The following ASCC1 variants were observed in gnomAD, a reference collection of about 807,000 sequenced individuals.
The protein encoded by ASCC1 is activating signal cointegrator 1 complex subunit 1.
In ASCC1, 35 loss-of-function variants were observed where a neutral mutation model predicts 46.6. The ratio of observed to expected loss-of-function variants is 0.75; its 90% CI spans 0.57 to 0.99. The LOEUF (loss-of-function observed/expected upper bound fraction) is 0.99. ASCC1 is among the 50% of genes least tolerant of loss of function. The pLI is 0.00. For synonymous variants in ASCC1, 143 were observed against 146.6 expected (o/e 0.98, Z 0.18); for missense variants, 376 against 428.7 (o/e 0.88, Z 1.09).
Position 72,111,480 on chromosome 10 carries a change from C to T in ASCC1, c.958-14030G>A, listed in dbSNP as rs147714626. Among the ~76,000 whole-genome samples, 5 of 151,706 alleles carry T rather than the reference C, an allele frequency of 3.3e-5. No individual in the cohort carries two copies. The East Asian group carries it at 9.7e-4, about 29-fold the overall frequency. ...CAGCCTTGGGTGACAGAGCAAGACCCTATCTCAAAAAAAAAAATTCAAAGT... is the reference window on the plus strand; with the variant it reads ...CAGCCTTGGGTGACAGAGCAAGACCTTATCTCAAAAAAAAAAATTCAAAGT... On this transcript the variant is annotated intron_variant, in intron 9 of 9. Transcript: ENST00000672957.
intron 1 of ASCC1, 124 bp from the exon 2 acceptor site, chr10:72,213,455 C>A: frequency 1.5e-6 from 1 of 650,448 alleles, no homozygotes; most frequent in South Asian, 1.6e-5. Context: ...ACAAAAGCAG[C>A]ACCATTTCCC....
At chr10:72,117,191 C>T (rs1350365882) in intron 9 of ASCC1, among the ~76,000 whole-genome samples, 2 of 152,204 alleles carry the variant, frequency 1.3e-5, no homozygotes, top group Admixed American at 1.3e-4. Flanking sequence ...AGTCTGATAA[C>T]TCTAGTATGT....
intron 4 of ASCC1, 95 bp downstream of exon 4, chr10:72,203,332 C>T (rs1276539025): frequency 1.1e-6 from 1 of 948,638 alleles, no homozygotes; most frequent in East Asian, 2.4e-5. Context: ...TAGAACCCCA[C>T]AGAAAACATA....
At chr10:72,158,111 A>C (rs1392608389) in intron 6 of ASCC1, among the ~76,000 whole-genome samples, 1 of 152,206 alleles carries the variant, frequency 6.6e-6, no homozygotes. Flanking sequence ...GCAGAAACAC[A>C]AACTGTTTCA....
At chr10:72,186,124 A>T (rs1396347126) in intron 5 of ASCC1, among the ~76,000 whole-genome samples, 2 of 151,774 alleles carry the variant, frequency 1.3e-5, no homozygotes, top group Non-Finnish European at 1.5e-5. Flanking sequence ...CGTATTAATT[A>T]AAAAAGTAAT....
chr10:72,108,790 C>G (rs1184189806), intron 9 of ASCC1, among the ~76,000 whole-genome samples: 1 of 152,168 alleles, frequency 6.6e-6, no homozygotes, highest in East Asian at 1.9e-4. Context: ...TATTGTCACT[C>G]ACTGACTATA....
chr10:72,129,341 T>G (rs1274435344), intron 8 of ASCC1, among the ~76,000 whole-genome samples: 1 of 152,132 alleles, frequency 6.6e-6, no homozygotes, highest in African/African-American at 2.4e-5. Flanking sequence ...ACATAAAATG[T>G]GGCATATCCA....
intron 9 of ASCC1, among the ~76,000 whole-genome samples, chr10:72,099,858 C>G (rs1371234113): frequency 6.6e-6 from 1 of 151,972 alleles, no homozygotes; most frequent in Admixed American, 6.5e-5. Context: ...AAAGCTAGTA[C>G]AAGTACCTTG....
intron 5 of ASCC1, among the ~76,000 whole-genome samples, chr10:72,167,972 C>T (rs1009745403): frequency 6.6e-6 from 1 of 152,016 alleles, no homozygotes; most frequent in Non-Finnish European, 1.5e-5. Flanking sequence ...AGGGGGATCA[C>T]GAGGTCAGGA....
intron 9 of ASCC1, among the ~76,000 whole-genome samples, chr10:72,109,998 G>C (rs1033873764): frequency 6.6e-6 from 1 of 152,182 alleles, no homozygotes; most frequent in African/African-American, 2.4e-5. Context: ...TTGCCACAGG[G>C]CATGGGTATT....
At chr10:72,129,738 G>A (rs377197292) in intron 8 of ASCC1, among the ~76,000 whole-genome samples, 8 of 152,114 alleles carry the variant, frequency 5.3e-5, no homozygotes, top group South Asian at 2.1e-4. Context: ...CCTGGGAGGC[G>A]GAGGTTGCAG....
At chr10:72,213,601 TAAAA>T (rs762289534) in intron 1 of ASCC1, among the ~76,000 whole-genome samples, 1 of 128,398 alleles carries the variant, frequency 7.8e-6, no homozygotes, top group African/African-American at 2.8e-5. Flanking sequence ...CATACACTCT[TAAAA>T]AAAAAAAAAA....
At chr10:72,157,548 T>A (rs1343808417) in intron 6 of ASCC1, among the ~76,000 whole-genome samples, 1 of 152,160 alleles carries the variant, frequency 6.6e-6, no homozygotes, top group Non-Finnish European at 1.5e-5. Context: ...TTCTGCAAAA[T>A]TCCTGTTAAA....
At chr10:72,102,227 G>A (rs1841852712) in intron 9 of ASCC1, 2 of 911,392 alleles carry the variant, frequency 2.2e-6, no homozygotes, top group Non-Finnish European at 1.7e-6. Flanking sequence ...TCCAATGGGT[G>A]TATATGAGGC....
At chr10:72,125,437 T>C (rs1844747241) in intron 9 of ASCC1, among the ~76,000 whole-genome samples, 1 of 152,248 alleles carries the variant, frequency 6.6e-6, no homozygotes, top group African/African-American at 2.4e-5. Context: ...AATAATTTCA[T>C]ATCATACAAA....
chr10:72,156,775 A>G (rs1404051715), intron 6 of ASCC1, among the ~76,000 whole-genome samples: 1 of 151,742 alleles, frequency 6.6e-6, no homozygotes, highest in African/African-American at 2.4e-5. Context: ...CCATCTCAAA[A>G]AAAAAAAAAA....
chr10:72,127,638 C>CT (rs1845021526), intron 9 of ASCC1, among the ~76,000 whole-genome samples: 1 of 149,844 alleles, frequency 6.7e-6, no homozygotes, highest in Non-Finnish European at 1.5e-5. Flanking sequence ...TCTATGAATC[C>CT]AAGTGGTTGG....
rs567795095 is a variant in ASCC1 at position 72,148,757 on chromosome 10, A to C, written c.746+4112T>G. Among the ~76,000 whole-genome samples the C allele has an allele frequency of 2.0e-5, 3 of 152,328 alleles. No individual in the cohort carries two copies. In the South Asian group the frequency reaches 6.2e-4, roughly 32 times the overall value. On this transcript the variant is annotated intron_variant, in intron 7 of 9. Coordinates refer to ENST00000672957, the MANE Select transcript of ASCC1 (RefSeq NM_001198800.3). ...ATGTTAGAAAACCATGCATGGGTTA[A>C]AGATCCAGTCAAAATGTGTAACAGA...
rs1159885488 is a variant in ASCC1, at chr10:72,096,678, G to C, written c.*656C>G. 2.2e-6 allele frequency: 1 copy of C among 454,128 alleles called. No homozygotes were observed. The highest frequency in any genetic ancestry group is 4.4e-6 in the Non-Finnish European group (1 of 226,804). The allele number at this position is 454,128 out of a possible 1,614,324, so 28.1% of individuals were successfully genotyped here. A position where few individuals can be genotyped will look rare whatever the true frequency, so the allele number is the denominator to read the frequency against. ...GAAGCAAGCCAAGTGTTCACTGATG[G>C]AGGAACAGAGTGTGGTACGCACATG... On this transcript the variant is annotated 3_prime_UTR_variant, in exon 10 of 10. Coordinates refer to ENST00000672957, the MANE Select transcript of ASCC1 (RefSeq NM_001198800.3).
Sources: allele counts gnomAD v4.1 joint callset (sites outside exome capture counted in the v4.1 genomes callset), GRCh38; gene constraint gnomAD v4.1.1; transcripts MANE v1.5; gene names NCBI Gene and HGNC (gene_info 2026-07-23, HGNC 2026-07-21).